The following ALG9 variants were observed in gnomAD, a reference collection of about 807,000 sequenced individuals.
The protein encoded by ALG9 is alpha-1,2-mannosyltransferase ALG9.
A neutral mutation model predicts 81.8 loss-of-function variants in ALG9; 55 were observed. The ratio of observed to expected loss-of-function variants is 0.67; its 90% confidence interval spans 0.54 to 0.84. ALG9 has a LOEUF of 0.84. Among genes scored for constraint, ALG9 ranks in the 40% least tolerant of loss-of-function variants. The pLI is 0.00. For missense variants in ALG9, 629 were observed against 745.0 expected, an observed-to-expected ratio of 0.84 and a Z score of 1.81; for synonymous variants, 278 against 274.3, an observed-to-expected ratio of 1.01 and a Z score of -0.13.
At chr11:111,815,593 A>C (rs1555096384) in intron 13 of ALG9, among the ~76,000 whole-genome samples, 1 of 152,220 alleles carries the variant, frequency 6.6e-6, no homozygotes, top group Non-Finnish European at 1.5e-5. Context: ...ATTCAAGAAC[A>C]ACTAAGGTTA....
intron 8 of ALG9, among the ~76,000 whole-genome samples, chr11:111,850,194 A>G (rs1957547814): frequency 6.6e-6 from 1 of 152,198 alleles, no homozygotes; most frequent in African/African-American, 2.4e-5. Flanking sequence ...GAAAATCTCA[A>G]GCTAGCACCA....
chr11:111,831,977 A>G (rs1218614081), intron 13 of ALG9, among the ~76,000 whole-genome samples: 1 of 152,230 alleles, frequency 6.6e-6, no homozygotes, highest in African/African-American at 2.4e-5. Context: ...AATGCAGAAA[A>G]GTACACTCAG....
chr11:111,819,265 C>T (rs1951958934), intron 13 of ALG9, among the ~76,000 whole-genome samples: 1 of 152,210 alleles, frequency 6.6e-6, no homozygotes, highest in African/African-American at 2.4e-5. Flanking sequence ...AGTCCTAAGA[C>T]AGGAAGGATG....
At chr11:111,807,090 C>T (rs1272710287) in intron 14 of ALG9, among the ~76,000 whole-genome samples, 1 of 152,186 alleles carries the variant, frequency 6.6e-6, no homozygotes. Flanking sequence ...TAACTGGTAT[C>T]CCTGCTTCTA....
chr11:111,805,120 C>T, intron 14 of ALG9: 1 of 361,462 alleles, frequency 2.8e-6, no homozygotes, highest in South Asian at 2.1e-5. Context: ...GGAGGTGGGC[C>T]TTTGGAAGGG....
At chr11:111,838,954 TC>T (rs1955774992) in intron 10 of ALG9, among the ~76,000 whole-genome samples, 1 of 152,170 alleles carries the variant, frequency 6.6e-6, no homozygotes, top group Non-Finnish European at 1.5e-5. Context: ...TCAGACTTCT[TC>T]CCTTCCTTCC....
At chr11:111,838,465 C>T (rs1006345380) in intron 10 of ALG9, 66 bp from the exon 11 acceptor site, 8 of 1,427,328 alleles carry the variant, frequency 5.6e-6, no homozygotes, top group African/African-American at 2.9e-5. Flanking sequence ...ACATCAAGAG[C>T]GAAGCCAAAA....
chr11:111,841,683 T>A (rs913642975), intron 9 of ALG9, among the ~76,000 whole-genome samples: 1 of 152,188 alleles, frequency 6.6e-6, no homozygotes, highest in African/African-American at 2.4e-5. Flanking sequence ...TAAGCCAGTT[T>A]ACAAGATCAG....
chr11:111,851,124 C>G (rs1296769980), intron 8 of ALG9, among the ~76,000 whole-genome samples: 1 of 152,128 alleles, frequency 6.6e-6, no homozygotes, highest in African/African-American at 2.4e-5. Flanking sequence ...GCACCGTAAA[C>G]TTAAATCAGA....
chr11:111,813,483 T>G (rs1951035267), intron 13 of ALG9, among the ~76,000 whole-genome samples: 2 of 152,156 alleles, frequency 1.3e-5, no homozygotes, highest in South Asian at 4.1e-4. Flanking sequence ...ACACCTGTGG[T>G]CCTAACTACT....
In ALG9 at chr11:111,870,283, A is replaced by G. The variant is rs782407372; in HGVS notation, c.219T>C (p.Ala73=). 16 of 1,612,306 alleles carry G rather than the reference A, an allele frequency of 9.9e-6. No individual in the cohort carries two copies. The highest frequency in any genetic ancestry group is 1.4e-5 in the Non-Finnish European group (16 of 1,179,526). The change falls in exon 2 of 15, where the codon GCT becomes GCC. Residue 73 remains alanine (A), a synonymous_variant. Coordinates refer to ENST00000616540, the MANE Select transcript of ALG9 (RefSeq NM_024740.2). ...CACAGTCAGAGATGTTGCTCAGGAG[A>G]GCAGCACATAACCTTGCTGAAAGCA... ...KCLLSARLCA[A]LLSNISDCDE... is the part of the protein sequence containing the mutation.
chr11:111,864,412 T>G lies in ALG9; in HGVS notation c.476+769A>C. The G allele has an allele frequency of 3.9e-6, 3 of 764,660 alleles. No individual in the cohort carries two copies. The South Asian group carries it at 4.1e-5, about 10-fold the overall frequency. The allele number at this position is 764,660 out of a possible 1,614,324, so 47.4% of individuals were successfully genotyped here. On this transcript the variant is annotated intron_variant, in intron 4 of 14. Coordinates refer to ENST00000616540, the MANE Select transcript of ALG9 (RefSeq NM_024740.2). ...ATGACCCTCTGCTGACTAGAGTATC[T>G]TCAAGTACAAATCCCTTCAGACCCC... is the stretch of plus-strand genomic sequence containing the variant.
chr11:111,816,532 G>A (rs1951507891), intron 13 of ALG9, among the ~76,000 whole-genome samples: 5 of 152,140 alleles, frequency 3.3e-5, no homozygotes, highest in South Asian at 2.1e-4. Flanking sequence ...TAACAGGCAT[G>A]AGCCACCATG....
At chr11:111,821,790 C>T (rs1952440152) in intron 13 of ALG9, among the ~76,000 whole-genome samples, 1 of 152,110 alleles carries the variant, frequency 6.6e-6, no homozygotes, top group African/African-American at 2.4e-5. Context: ...CGCCTGTCAC[C>T]ACGCCCAGCT....
At position 111,853,868 on chromosome 11, in the gene ALG9, T is replaced by G. The variant is rs890277123; in HGVS notation, c.702-132A>C. The stretch of plus-strand genomic sequence containing the variant: ...ATAGTGAGGGAAGAAACCTGGTATG[T>G]GAGAGGATGTCGTCACAGGACCTGT... On this transcript the variant is annotated intron_variant, in intron 6 of 14. Coordinates refer to ENST00000616540, the MANE Select transcript of ALG9 (RefSeq NM_024740.2). The G allele has an allele frequency of 3.0e-5, 24 of 797,220 alleles. No individual in the cohort carries two copies. The Admixed American group carries it at 4.6e-4, about 15-fold the overall frequency. The allele number at this position is 797,220 out of a possible 1,614,324, so 49.4% of individuals were successfully genotyped here. A position where few individuals can be genotyped will look rare whatever the true frequency, so the allele number is the denominator to read the frequency against.
chr11:111,779,836 CTATT>C (rs782672302), downstream of ALG9, among the ~76,000 whole-genome samples: 8 of 152,318 alleles, frequency 5.3e-5, no homozygotes, highest in Non-Finnish European at 1.2e-4. Flanking sequence ...TTTTAACAGA[CTATT>C]TATTCTACCA....
intron 14 of ALG9, among the ~76,000 whole-genome samples, chr11:111,802,975 C>T (rs1175216886): frequency 1.3e-5 from 2 of 152,140 alleles, no homozygotes; most frequent in African/African-American, 4.8e-5. Flanking sequence ...AGAAAATGTC[C>T]AGATTCCTAC....
chr11:111,871,544 T>G lies in ALG9; in HGVS notation c.-62A>C. ...AAGTCGGTGAGCGCGCAGACATAGCTTTGGCTGGCAAACGGTGTCCGCCGA... is the reference window on the plus strand; with the variant it reads ...AAGTCGGTGAGCGCGCAGACATAGCGTTGGCTGGCAAACGGTGTCCGCCGA... On this transcript the variant is annotated 5_prime_UTR_variant, in exon 1 of 15. Coordinates refer to ENST00000616540, the MANE Select transcript of ALG9 (RefSeq NM_024740.2). The G allele has an allele frequency of 1.3e-6, 2 of 1,533,970 alleles. No homozygotes were observed. The highest frequency in any genetic ancestry group is 1.7e-6 in the Non-Finnish European group (2 of 1,145,706).
At chr11:111,812,915 C>CAAAAAAAAAAAAAAAA (rs57311061) in intron 13 of ALG9, among the ~76,000 whole-genome samples, 1 of 98,770 alleles carries the variant, frequency 1.0e-5, no homozygotes, top group African/African-American at 5.2e-5. Flanking sequence ...GACTCTGTCT[C>CAAAAAAAAAAAAAAAA]AAAAAAAAAA....
Sources: gnomAD v4.1 joint callset for allele counts (sites outside exome capture counted in the v4.1 genomes callset) on GRCh38, gnomAD v4.1.1 for gene constraint, MANE v1.5 for transcripts, NCBI Gene and HGNC (gene_info 2026-07-23, HGNC 2026-07-21) for gene names.